The following ADGRB3 variants were observed in gnomAD, a reference collection of about 807,000 sequenced individuals.
The protein encoded by ADGRB3 is adhesion G protein-coupled receptor B3.
Under a neutral mutation model 193.4 loss-of-function variants are expected in ADGRB3, and 37 were observed. The ratio of observed to expected loss-of-function variants is 0.19; its 90% CI spans 0.15 to 0.25. The LOEUF is 0.25. Among genes scored for constraint, ADGRB3 ranks in the 10% least tolerant of loss-of-function variants. The probability of loss-of-function intolerance (pLI) is 1.00; values close to 1 mark genes in which losing one functional copy is unlikely to be tolerated. For synonymous variants in ADGRB3, 690 were observed against 644.2 expected (o/e 1.07, Z -1.08); for missense variants, 1,637 against 1,852.9 (o/e 0.88, Z 2.14).
intron 10 of ADGRB3, among the ~76,000 whole-genome samples, chr6:68,984,573 G>T (rs186771564): frequency 2.3e-3 from 345 of 152,256 alleles, no homozygotes; most frequent in Admixed American, 3.6e-3. Flanking sequence ...GAGAGCAGAA[G>T]AATAGGGTAG....
rs1562128749 is a variant in ADGRB3, at chr6:69,031,023, T to TC, written c.2107+12524_2107+12525insC. Among the ~76,000 whole-genome samples the TC allele has an allele frequency of 2.3e-3, 223 of 96,186 alleles. 32 individuals are homozygous for TC. Among genetic ancestry groups the TC allele is most frequent in the Non-Finnish European group, 3.1e-3 (140 of 45,040 alleles). The allele number at this position is 96,186 out of a possible 152,430, so 63.1% of individuals were successfully genotyped here. A position where few individuals can be genotyped will look rare whatever the true frequency, so the allele number is the denominator to read the frequency against. ...TTCCTTTCTTTTCTTTTCTTTTTTT[T>TC]TTCCTCTTCTCTTCTCTCTTCTCTT... On this transcript the variant is annotated intron_variant, in intron 13 of 31. Transcript: ENST00000370598.
chr6:68,719,200 G>A (rs779930632), intron 3 of ADGRB3, among the ~76,000 whole-genome samples: 42 of 151,712 alleles, frequency 2.8e-4, no homozygotes, highest in East Asian at 9.7e-4. Flanking sequence ...TTTTAAGTCC[G>A]TGTCCCTGAT....
chr6:69,144,313 G>T (rs992277533), intron 17 of ADGRB3, among the ~76,000 whole-genome samples: 1 of 152,126 alleles, frequency 6.6e-6, no homozygotes. Flanking sequence ...TTTTCATGGA[G>T]TATTTAGTTT....
chr6:68,740,932 CCCA>C (rs1453877246), intron 3 of ADGRB3, among the ~76,000 whole-genome samples: 3 of 152,122 alleles, frequency 2.0e-5, no homozygotes, highest in Non-Finnish European at 4.4e-5. Context: ...ACTCCTCACC[CCCA>C]CCAACTTCCT....
At chr6:69,173,471 C>T (rs1775342031) in intron 17 of ADGRB3, among the ~76,000 whole-genome samples, 1 of 152,082 alleles carries the variant, frequency 6.6e-6, no homozygotes, top group Non-Finnish European at 1.5e-5. Flanking sequence ...TTTTGTGGAT[C>T]ACTTAGTGGA....
At chr6:69,380,725 C>T (rs896707791) in intron 30 of ADGRB3, among the ~76,000 whole-genome samples, 4 of 151,892 alleles carry the variant, frequency 2.6e-5, no homozygotes, top group African/African-American at 9.7e-5. Context: ...CATATGTTTT[C>T]TTTATCACGC....
chr6:68,858,043 G>A (rs1301072000), intron 3 of ADGRB3, among the ~76,000 whole-genome samples: 1 of 152,196 alleles, frequency 6.6e-6, no homozygotes, highest in Admixed American at 6.5e-5. Flanking sequence ...CACCATGATT[G>A]TGAGGCTTCC....
intron 3 of ADGRB3, among the ~76,000 whole-genome samples, chr6:68,818,085 A>C: frequency 6.6e-6 from 1 of 152,032 alleles, no homozygotes; most frequent in East Asian, 1.9e-4. Flanking sequence ...AGGTTCTTGT[A>C]GCTGGGACCA....
intron 23 of ADGRB3, chr6:69,332,044 C>T (rs1017215634): frequency 2.0e-6 from 2 of 985,238 alleles, no homozygotes; most frequent in Non-Finnish European, 2.4e-6. Context: ...CAGGGTTACA[C>T]CAAGATTGGA....
chr6:69,058,680 T>C (rs1304814889), intron 15 of ADGRB3, among the ~76,000 whole-genome samples: 3 of 152,106 alleles, frequency 2.0e-5, no homozygotes, highest in Non-Finnish European at 2.9e-5. Context: ...TTCCAATATT[T>C]CTTGTGATTT....
At chr6:69,068,849 A>C (rs1771988993) in intron 16 of ADGRB3, among the ~76,000 whole-genome samples, 1 of 152,208 alleles carries the variant, frequency 6.6e-6, no homozygotes, top group Admixed American at 6.6e-5. Flanking sequence ...TATGTAACAT[A>C]GATGGGACTC....
rs562040354 is a variant in ADGRB3, at chr6:68,771,520, TATTC to T, written c.757+132096_757+132099del. On this transcript the variant is annotated intron_variant, in intron 3 of 31. Transcript: ENST00000370598. ...GATCCCCTTTTAAAGACAATAGTCA[TATTC>T]ATTCATTTAATGAATATTTATTACC... 1.2e-4 allele frequency among the ~76,000 whole-genome samples: 18 copies of T among 152,236 alleles called. No individual in the cohort carries two copies. The South Asian group carries it at 3.5e-3, about 30-fold the overall frequency.
At chr6:69,045,250 T>C (rs1771203226) in intron 13 of ADGRB3, among the ~76,000 whole-genome samples, 1 of 152,154 alleles carries the variant, frequency 6.6e-6, no homozygotes, top group Admixed American at 6.5e-5. Flanking sequence ...TAAATTACCT[T>C]TGCTACATGG....
At chr6:69,033,623 CTT>C (rs1770778799) in intron 13 of ADGRB3, among the ~76,000 whole-genome samples, 2 of 151,670 alleles carry the variant, frequency 1.3e-5, no homozygotes, top group African/African-American at 2.4e-5. Context: ...TTAATTTGGT[CTT>C]TTGTTTTGAC....
intron 20 of ADGRB3, among the ~76,000 whole-genome samples, chr6:69,318,199 T>G (rs1768360640): frequency 6.6e-6 from 1 of 151,452 alleles, no homozygotes; most frequent in South Asian, 2.1e-4. Flanking sequence ...TTACAGATGA[T>G]TTTCAGTACA....
intron 3 of ADGRB3, among the ~76,000 whole-genome samples, chr6:68,915,674 C>G: frequency 6.6e-6 from 1 of 151,942 alleles, no homozygotes; most frequent in Non-Finnish European, 1.5e-5. Flanking sequence ...GAAAGCTGCC[C>G]CATCTATCAG....
At chr6:68,746,797 A>T (rs1766094403) in intron 3 of ADGRB3, among the ~76,000 whole-genome samples, 1 of 151,996 alleles carries the variant, frequency 6.6e-6, no homozygotes, top group South Asian at 2.1e-4. Flanking sequence ...ATTTTATTTA[A>T]TATTGTTTGG....
At chr6:69,201,386 C>T (rs1243014995) in intron 17 of ADGRB3, among the ~76,000 whole-genome samples, 1 of 151,898 alleles carries the variant, frequency 6.6e-6, no homozygotes, top group Non-Finnish European at 1.5e-5. Flanking sequence ...ACATATGGCC[C>T]TTTTGACTAC....
chr6:68,881,145 C>A (rs1457397181), intron 3 of ADGRB3, among the ~76,000 whole-genome samples: 1 of 149,182 alleles, frequency 6.7e-6, no homozygotes, highest in Non-Finnish European at 1.5e-5. Flanking sequence ...CCCAGGTATA[C>A]CCCCAGGTTT....
Sources: gnomAD v4.1 joint callset for allele counts (sites outside exome capture counted in the v4.1 genomes callset) on GRCh38, gnomAD v4.1.1 for gene constraint, MANE v1.5 for transcripts, NCBI Gene and HGNC (gene_info 2026-07-23, HGNC 2026-07-21) for gene names.